The following PIGL variants were observed in gnomAD, a reference collection of about 807,000 sequenced individuals.
PIGL encodes the protein phosphatidylinositol glycan anchor biosynthesis class L, also known as N-acetylglucosaminyl-phosphatidylinositol de-N-acetylase.
Under a neutral mutation model 31.1 loss-of-function variants are expected in PIGL, and 22 were observed. The ratio of observed to expected loss-of-function variants is 0.71; its 90% CI spans 0.51 to 1.01. The LOEUF is 1.01. PIGL is among the 50% of genes least tolerant of loss of function. The pLI is 0.00. For synonymous variants in PIGL, 131 were observed against 117.4 expected (o/e 1.12, Z -0.75); for missense variants, 302 against 315.9 (o/e 0.96, Z 0.33).
chr17:16,240,503 TG>T (rs1423961716), intron 2 of PIGL, among the ~76,000 whole-genome samples: 11 of 151,964 alleles, frequency 7.2e-5, no homozygotes, highest in Non-Finnish European at 1.5e-4. Context: ...TGTTTTCTTT[TG>T]TTTTTTTCAT....
At chr17:16,312,516 G>A (rs1472623850) in intron 3 of PIGL, 2 of 162,774 alleles carry the variant, frequency 1.2e-5, no homozygotes, top group African/African-American at 4.8e-5. Flanking sequence ...TCCCAGACGG[G>A]GTGGCGGCCG....
chr17:16,226,862 T>C (rs1011338170), intron 1 of PIGL, among the ~76,000 whole-genome samples: 1 of 152,166 alleles, frequency 6.6e-6, no homozygotes, highest in African/African-American at 2.4e-5. Context: ...ACCAAGGATA[T>C]GTAGATGTTC....
chr17:16,239,209 C>T (rs2092712448), intron 2 of PIGL, among the ~76,000 whole-genome samples: 1 of 151,156 alleles, frequency 6.6e-6, no homozygotes, highest in South Asian at 2.1e-4. Flanking sequence ...TTTGGGCCAG[C>T]CGGGTGGCTC....
intron 2 of PIGL, 52 bp downstream of exon 2, chr17:16,234,122 A>G (rs762469631): frequency 9.8e-7 from 1 of 1,021,210 alleles, no homozygotes; most frequent in Non-Finnish European, 1.5e-6. Flanking sequence ...ATATGCAGTG[A>G]TATACTCAAA....
intron 2 of PIGL, among the ~76,000 whole-genome samples, chr17:16,290,685 A>G (rs559746240): frequency 1.3e-5 from 2 of 151,968 alleles, no homozygotes; most frequent in African/African-American, 4.8e-5. Context: ...CGCCCAGCCC[A>G]GACTTTTTTG....
At chr17:16,325,674 CAG>C in intron 6 of PIGL, 124 bp from the exon 7 acceptor site, 2 of 714,386 alleles carry the variant, frequency 2.8e-6, no homozygotes, top group African/African-American at 1.8e-5. Context: ...AGGAAGAAGA[CAG>C]ATAAGGCTAT....
intron 2 of PIGL, among the ~76,000 whole-genome samples, chr17:16,237,485 G>C (rs1421329249): frequency 6.6e-6 from 1 of 151,162 alleles, no homozygotes; most frequent in African/African-American, 2.4e-5. Flanking sequence ...CAGGGGTTTT[G>C]TTTAACGTCA....
At chr17:16,297,920 G>A (rs1025969581) in intron 2 of PIGL, among the ~76,000 whole-genome samples, 1 of 152,180 alleles carries the variant, frequency 6.6e-6, no homozygotes, top group Non-Finnish European at 1.5e-5. Context: ...GGAGGTGAGT[G>A]ACGGGCAAGC....
At chr17:16,249,310 C>T (rs972309042) in intron 2 of PIGL, among the ~76,000 whole-genome samples, 2 of 152,038 alleles carry the variant, frequency 1.3e-5, no homozygotes, top group Non-Finnish European at 1.5e-5. Context: ...GAAACCCTGT[C>T]TCTACTAAAA....
Position 16,234,070 on chromosome 17 carries a change from G to C in PIGL, c.335G>C (p.Arg112Thr), listed in dbSNP as rs775120630. 1 of 1,492,328 alleles carries C rather than the reference G, an allele frequency of 6.7e-7. No homozygotes were observed. Among genetic ancestry groups the C allele is most frequent in the Admixed American group, 1.7e-5 (1 of 59,200 alleles). The allele number at this position is 1,492,328 out of a possible 1,614,324, so 92.4% of individuals were successfully genotyped here. A position where few individuals can be genotyped will look rare whatever the true frequency, so the allele number is the denominator to read the frequency against. Reference protein sequence around the residue: ...PLSSVMIIDNRDFPDDPGMQW... With the variant: ...PLSSVMIIDNTDFPDDPGMQW... ...TCCAGTGTAATGATTATTGACAACA[G>C]GTAATATATCTTTTAACAATGTAGA... The change falls in exon 2 of 7, where the codon AGG becomes ACG. Residue 112 changes from arginine to threonine, a missense_variant and splice_region_variant. Arg to Thr is a moderately conservative substitution (Grantham distance 71). Coordinates refer to ENST00000225609, the MANE Select transcript of PIGL (RefSeq NM_004278.4).
At chr17:16,228,668 G>A (rs1281774366) in intron 1 of PIGL, among the ~76,000 whole-genome samples, 5 of 151,544 alleles carry the variant, frequency 3.3e-5, no homozygotes, top group Middle Eastern at 3.4e-3. Context: ...GATTACAGGC[G>A]TAAGCCACCA....
intron 3 of PIGL, among the ~76,000 whole-genome samples, chr17:16,302,587 C>T (rs2093009420): frequency 6.6e-6 from 1 of 152,000 alleles, no homozygotes; most frequent in South Asian, 2.1e-4. Flanking sequence ...GTAGGGTACT[C>T]TTATCTTTTT....
At chr17:16,313,741 T>C (rs1600859289) in intron 4 of PIGL, 127 bp downstream of exon 4, 2 of 770,446 alleles carry the variant, frequency 2.6e-6, no homozygotes, top group East Asian at 5.0e-5. Context: ...GCTTATCTTC[T>C]AGCCCTTTTT....
chr17:16,320,202 AAAGGAAGGAAGGAAGGAAGG>A (rs199746775), intron 6 of PIGL, among the ~76,000 whole-genome samples: 4,837 of 63,232 alleles, frequency 0.076, 293 homozygotes, highest in African/African-American at 0.18. Flanking sequence ...GAGAGAAAGA[AAAGGAAGGAAGGAAGGAAGG>A]AAGGAAGGAA....
chr17:16,237,722 C>A (rs2092705151), intron 2 of PIGL, among the ~76,000 whole-genome samples: 1 of 149,086 alleles, frequency 6.7e-6, no homozygotes, highest in African/African-American at 2.5e-5. Flanking sequence ...TCACCTGAAC[C>A]CAGAAGGTGG....
At chr17:16,240,793 C>T (rs2092719503) in intron 2 of PIGL, among the ~76,000 whole-genome samples, 2 of 151,946 alleles carry the variant, frequency 1.3e-5, no homozygotes. Flanking sequence ...AGCCAGCGCA[C>T]CTGGCCTCCA....
chr17:16,252,013 T>C (rs2092773853), intron 2 of PIGL, among the ~76,000 whole-genome samples: 1 of 151,906 alleles, frequency 6.6e-6, no homozygotes, highest in African/African-American at 2.4e-5. Context: ...ATTTTATTTA[T>C]ATTTAGAAAA....
intron 6 of PIGL, 74 bp from the exon 7 acceptor site, chr17:16,325,726 G>A (rs551073450): frequency 3.2e-4 from 343 of 1,079,766 alleles, no homozygotes; most frequent in Non-Finnish European, 4.3e-4. Context: ...TTTAAGGTGC[G>A]GAGGCCAGAT....
At chr17:16,232,220 G>A (rs2092682205) in intron 1 of PIGL, among the ~76,000 whole-genome samples, 1 of 152,156 alleles carries the variant, frequency 6.6e-6, no homozygotes, top group Non-Finnish European at 1.5e-5. Flanking sequence ...GGAGGTTGCA[G>A]TGAACTGAGA....
Sources: gnomAD v4.1 joint callset for allele counts (sites outside exome capture counted in the v4.1 genomes callset) on GRCh38, gnomAD v4.1.1 for gene constraint, MANE v1.5 for transcripts, NCBI Gene and HGNC (gene_info 2026-07-23, HGNC 2026-07-21) for gene names.